Variants in SATB1 observed in about 807,000 individuals in gnomAD.
The protein encoded by SATB1 is DNA-binding protein SATB1.
SATB1 carries 11 observed loss-of-function variants against 86.9 expected under a neutral mutation model. The observed-to-expected ratio is 0.13, with a 90% CI of 0.08 to 0.21. SATB1 has a LOEUF of 0.21. Ranked by LOEUF, SATB1 falls within the 10% of genes least tolerant of loss-of-function variation. The pLI, the probability that SATB1 is intolerant of heterozygous loss-of-function variation, is 1.00. For synonymous variants in SATB1, 357 were observed against 357.2 expected, an observed-to-expected ratio of 1.00 and a Z score of 0.01; for missense variants, 551 against 937.6, an observed-to-expected ratio of 0.59 and a Z score of 5.39.
At position 18,386,315 on chromosome 3, in the gene SATB1, C is replaced by T; in HGVS notation, c.1419+84G>A. 9.8e-7 allele frequency: 1 copy of T among 1,015,524 alleles called. No homozygotes were observed. Among genetic ancestry groups the T allele is most frequent in the Non-Finnish European group, 1.5e-6 (1 of 668,736 alleles). The allele number at this position is 1,015,524 out of a possible 1,614,324, so 62.9% of individuals were successfully genotyped here. A position where few individuals can be genotyped will look rare whatever the true frequency, so the allele number is the denominator to read the frequency against. ...AAAACATATAAATCTATGTATCTAT[C>T]TATCTAATTTCTTATTGAGATTCTT... On this transcript the variant is annotated intron_variant, in intron 8 of 10. Transcript: ENST00000338745. This position sits in a 1 kb window ranked among gnomAD's most constrained non-coding sequence, Gnocchi z 4.5.
chr3:18,377,298 A>C lies in SATB1; in HGVS notation c.1575+872T>G, dbSNP rs911534938. On this transcript the variant is annotated intron_variant, in intron 9 of 10. Coordinates refer to ENST00000338745, the MANE Select transcript of SATB1 (RefSeq NM_002971.6). ...TGTTAAAATCTTACCTGGAGTCCCT[A>C]TTTGCCTCTAATGTCACCTTGATAG... is the stretch of plus-strand genomic sequence containing the variant. Among the ~76,000 whole-genome samples the C allele has an allele frequency of 3.3e-5, 5 of 152,140 alleles. No homozygotes were observed. The East Asian group carries it at 7.7e-4, about 23-fold the overall frequency.
At chr3:18,445,298 G>T in intron 1 of SATB1, 15 of 985,438 alleles carry the variant, frequency 1.5e-5, no homozygotes, top group Non-Finnish European at 1.7e-5. Context: ...AGCCGCCGCC[G>T]CCGCCGCCGC....
At chr3:18,398,164 C>T (rs900500059) in intron 5 of SATB1, among the ~76,000 whole-genome samples, 4 of 152,056 alleles carry the variant, frequency 2.6e-5, no homozygotes, top group African/African-American at 9.7e-5. Context: ...CTTTAACATA[C>T]AAAAATGAAG....
At chr3:18,417,495 C>A (rs1698177065) in intron 2 of SATB1, 1 of 601,502 alleles carries the variant, frequency 1.7e-6, no homozygotes. Flanking sequence ...CTACTGCTTA[C>A]ATGATTTTGT....
chr3:18,433,459 A>G (rs1053044847), intron 2 of SATB1, among the ~76,000 whole-genome samples: 1 of 152,142 alleles, frequency 6.6e-6, no homozygotes, highest in African/African-American at 2.4e-5. Flanking sequence ...GGATGAAAGT[A>G]TATCTACATA....
chr3:18,395,691 A>G (rs1208579427), intron 6 of SATB1, among the ~76,000 whole-genome samples: 1 of 152,226 alleles, frequency 6.6e-6, no homozygotes, highest in Non-Finnish European at 1.5e-5. Flanking sequence ...CCATCACCAG[A>G]TGCTAAAGAC....
intron 10 of SATB1, chr3:18,351,503 A>G (rs1203507203): frequency 2.3e-6 from 2 of 864,686 alleles, no homozygotes; most frequent in African/African-American, 3.4e-5. Context: ...GGAAGGGCCA[A>G]GGACTGTAAG....
At chr3:18,350,491 A>G (rs1694295637) in intron 10 of SATB1, 1 of 152,354 alleles carries the variant, frequency 6.6e-6, no homozygotes, top group Non-Finnish European at 1.5e-5. Flanking sequence ...TGACACATGC[A>G]CATACTGTAC....
intron 5 of SATB1, among the ~76,000 whole-genome samples, chr3:18,408,466 A>G (rs753398936): frequency 6.6e-6 from 1 of 152,052 alleles, no homozygotes; most frequent in Non-Finnish European, 1.5e-5. Flanking sequence ...GCTAAACAGA[A>G]CAAATAACTT....
intron 1 of SATB1, chr3:18,445,215 C>A (rs1308138569): frequency 2.0e-6 from 2 of 981,666 alleles, no homozygotes; most frequent in African/African-American, 3.5e-5. Context: ...CCCGGCTTCT[C>A]CCCCTGGCGG....
chr3:18,387,751 A>G (rs944235767), intron 7 of SATB1, among the ~76,000 whole-genome samples: 5 of 152,290 alleles, frequency 3.3e-5, no homozygotes, highest in Admixed American at 2.0e-4. Context: ...TAATTTGCAA[A>G]TCTACTTTCC....
intron 1 of SATB1, among the ~76,000 whole-genome samples, chr3:18,438,055 C>T (rs1427786286): frequency 6.6e-6 from 1 of 152,126 alleles, no homozygotes; most frequent in African/African-American, 2.4e-5. Context: ...AGACTATCTC[C>T]ATTTCAAAGA....
At chr3:18,398,256 TA>T (rs990716112) in intron 5 of SATB1, among the ~76,000 whole-genome samples, 5 of 152,108 alleles carry the variant, frequency 3.3e-5, no homozygotes, top group African/African-American at 4.8e-5. Flanking sequence ...TTGGTTACGG[TA>T]ATTTCAATGA....
intron 9 of SATB1, among the ~76,000 whole-genome samples, chr3:18,360,459 G>A (rs534183255): frequency 6.6e-6 from 1 of 151,994 alleles, no homozygotes; most frequent in South Asian, 2.1e-4. Context: ...CTATTGCTGA[G>A]CACTGCCCTA....
At chr3:18,378,121 C>G (rs1480592881) in intron 9 of SATB1, 49 bp downstream of exon 9, 1 of 1,469,478 alleles carries the variant, frequency 6.8e-7, no homozygotes, top group African/African-American at 1.5e-5. Flanking sequence ...AATGAAAATT[C>G]TACAGGCAAC....
intron 9 of SATB1, among the ~76,000 whole-genome samples, chr3:18,357,325 C>T (rs1474037333): frequency 6.6e-6 from 1 of 151,792 alleles, no homozygotes. Context: ...GGATTAAGTA[C>T]ATAATCCATT....
intron 5 of SATB1, among the ~76,000 whole-genome samples, chr3:18,400,591 A>ACTGCC (rs1351121958): frequency 6.6e-6 from 1 of 152,216 alleles, no homozygotes; most frequent in African/African-American, 2.4e-5. Context: ...GAAAATAATG[A>ACTGCC]CTTGAAGAGA....
chr3:18,386,436 G>A lies in SATB1; in HGVS notation c.1382C>T (p.Ala461Val). The change falls in exon 8 of 11, where the codon GCC becomes GTC. Residue 461 changes from alanine to valine, a missense_variant. Coordinates refer to ENST00000338745, the MANE Select transcript of SATB1 (RefSeq NM_002971.6). This position sits in a 1 kb window ranked among gnomAD's most constrained non-coding sequence, Gnocchi z 4.5. The stretch of plus-strand genomic sequence containing the variant: ...GCTGGGTGGTGTGCTGATGAGGGGG[G>A]CAGGACCCATGGCCGAGGCAGCATT... ...SLNAASAMGP[A>V]PLISTPPSRP... 6.2e-7 allele frequency: 1 copy of A among 1,613,992 alleles called. No individual in the cohort carries two copies. Among genetic ancestry groups the A allele is most frequent in the Non-Finnish European group, 8.5e-7 (1 of 1,180,012 alleles).
chr3:18,417,840 A>T, intron 2 of SATB1: 1 of 563,062 alleles, frequency 1.8e-6, no homozygotes, highest in Middle Eastern at 4.7e-4. Flanking sequence ...GAGATAGAAA[A>T]GGAAACTGAC....
Sources: gnomAD v4.1 joint callset for allele counts (sites outside exome capture counted in the v4.1 genomes callset) on GRCh38, gnomAD v4.1.1 for gene constraint, Gnocchi (gnomAD v3.1) non-coding constraint, MANE v1.5 for transcripts, NCBI Gene and HGNC (gene_info 2026-07-23, HGNC 2026-07-21) for gene names.